Variants in SEC24C observed in about 807,000 individuals in gnomAD.
The protein encoded by SEC24C is SEC24 homolog C, COPII component, also known as protein transport protein Sec24C.
A neutral mutation model predicts 117.0 loss-of-function variants in SEC24C; 22 were observed. That is an observed-to-expected ratio of 0.19 (90% CI 0.13 to 0.27). The LOEUF is 0.27. Among genes scored for constraint, SEC24C ranks in the 10% least tolerant of loss-of-function variants. The pLI is 1.00. For synonymous variants in SEC24C, 506 were observed against 529.4 expected, an observed-to-expected ratio of 0.96 and a Z score of 0.61; for missense variants, 1,155 against 1,375.1, an observed-to-expected ratio of 0.84 and a Z score of 2.53.
chr10:73,765,818 A>G lies in SEC24C; in HGVS notation c.1385A>G (p.Gln462Arg). ...CCCACAGTTCCCCCCCAGTATTTTCAGCACCTGGATCATACCGGCAAACGT... is the reference window on the plus strand; with the variant it reads ...CCCACAGTTCCCCCCCAGTATTTTCGGCACCTGGATCATACCGGCAAACGT... ...CINDVPPQYF[Q>R]HLDHTGKRVD... Residue 462 changes from glutamine (Q) to arginine (R), a missense_variant, in exon 10 of 23, where the codon CAG becomes CGG. This residue lies in a region of SEC24C where 759 missense variants were observed against 992.3 expected (regional missense o/e 0.76). Transcript: ENST00000345254. 3.1e-6 allele frequency: 5 copies of G among 1,614,014 alleles called. No homozygotes were observed. Among genetic ancestry groups the G allele is most frequent in the Non-Finnish European group, 4.2e-6 (5 of 1,179,914 alleles).
intron 1 of SEC24C, among the ~76,000 whole-genome samples, chr10:73,746,208 CTT>C (rs2082550671): frequency 6.7e-6 from 1 of 149,754 alleles, no homozygotes; most frequent in South Asian, 2.1e-4. Flanking sequence ...TCCATACACT[CTT>C]TTGGTGGAAA....
chr10:73,763,621 C>A lies in SEC24C; in HGVS notation c.1099+20C>A. 1.4e-6 allele frequency: 2 copies of A among 1,462,424 alleles called. No individual in the cohort carries two copies. Among genetic ancestry groups the A allele is most frequent in the Non-Finnish European group, 1.9e-6 (2 of 1,050,772 alleles). 90.6% of individuals were successfully genotyped at this position (1,462,424 alleles called of 1,614,324 possible). A position where few individuals can be genotyped will look rare whatever the true frequency, so the allele number is the denominator to read the frequency against. On this transcript the variant is annotated intron_variant, in intron 7 of 22. Coordinates refer to ENST00000345254, the MANE Select transcript of SEC24C (RefSeq NM_198597.3). ...ACCAAGGTGAGAATGGAATTAGCTCCTCCCACAGGGGCTTTTTCTTCAAGA... is the reference window on the plus strand; with the variant it reads ...ACCAAGGTGAGAATGGAATTAGCTCATCCCACAGGGGCTTTTTCTTCAAGA...
At chr10:73,768,748 G>C in intron 15 of SEC24C, 62 bp from the exon 16 acceptor site, 1 of 1,507,748 alleles carries the variant, frequency 6.6e-7, no homozygotes, top group Non-Finnish European at 9.2e-7. Context: ...GGTACAGGGA[G>C]ATTGTCTGCA....
At position 73,751,261 on chromosome 10, in the gene SEC24C, C is replaced by G. The variant is rs770337047; in HGVS notation, c.308+18C>G. Reference sequence around the variant, plus strand: ...ATGCAAAGGTAGGTACTTGGTCAATCTAAAATTGGTCTGATGAGGCTGAGT... The same window carrying G: ...ATGCAAAGGTAGGTACTTGGTCAATGTAAAATTGGTCTGATGAGGCTGAGT... On this transcript the variant is annotated intron_variant, in intron 3 of 22. Transcript: ENST00000345254. 26 of 1,606,218 alleles carry G rather than the reference C, an allele frequency of 1.6e-5. No homozygotes were observed. In the East Asian group the frequency reaches 4.0e-4, roughly 25 times the overall value.
intron 1 of SEC24C, among the ~76,000 whole-genome samples, chr10:73,745,102 T>C (rs546953674): frequency 3.9e-5 from 6 of 152,172 alleles, no homozygotes; most frequent in Admixed American, 1.3e-4. Flanking sequence ...GTGGCCCTTC[T>C]AGCAAAGGGG....
chr10:73,759,611 T>G lies in SEC24C; in HGVS notation c.309-11T>G, dbSNP rs374244265. 578 of 1,502,596 alleles carry G rather than the reference T, an allele frequency of 3.8e-4. No individual in the cohort carries two copies. The highest frequency in any genetic ancestry group is 4.8e-4 in the Non-Finnish European group (546 of 1,126,920). 93.1% of individuals were successfully genotyped at this position (1,502,596 alleles called of 1,614,324 possible). A position where few individuals can be genotyped will look rare whatever the true frequency, so the allele number is the denominator to read the frequency against. On this transcript the variant is annotated splice_polypyrimidine_tract_variant and intron_variant, in intron 3 of 22. Coordinates refer to ENST00000345254, the MANE Select transcript of SEC24C (RefSeq NM_198597.3). The stretch of plus-strand genomic sequence containing the variant: ...CCCCACTAGTCACCTCTGCTTGCTT[T>G]CTTTTCACAGGCTGCCTGGGTCTCA...
At chr10:73,758,327 G>T (rs2082743553) in intron 3 of SEC24C, among the ~76,000 whole-genome samples, 1 of 152,172 alleles carries the variant, frequency 6.6e-6, no homozygotes, top group Admixed American at 6.5e-5. Flanking sequence ...GTTTGAGGGG[G>T]CTGTGAGGTA....
In SEC24C at chr10:73,757,412, G is replaced by A. The variant is rs116627583; in HGVS notation, c.309-2210G>A. On this transcript the variant is annotated intron_variant, in intron 3 of 22. Coordinates refer to ENST00000345254, the MANE Select transcript of SEC24C (RefSeq NM_198597.3). ...TTGGTGTGCCTGGGAAGCAGAGGTG[G>A]AGGCAGGAGGATTGCTAGAGCCCTG... Among the ~76,000 whole-genome samples the A allele has an allele frequency of 2.0e-3, 306 of 150,716 alleles. 2 individuals carry two copies. The highest frequency in any genetic ancestry group is 7.2e-3 in the African/African-American group (296 of 41,144).
chr10:73,768,055 T>C lies in SEC24C; in HGVS notation c.2181+48T>C, dbSNP rs761543967. Reference sequence around the variant, plus strand: ...GCAGGTGGCAGCAGGGCTGGGAATATCTGCTTATATATGCAGTGGCTGACT... The same window carrying C: ...GCAGGTGGCAGCAGGGCTGGGAATACCTGCTTATATATGCAGTGGCTGACT... On this transcript the variant is annotated intron_variant, in intron 15 of 22. Transcript: ENST00000345254. 3.2e-6 allele frequency: 5 copies of C among 1,554,790 alleles called. No individual in the cohort carries two copies. In the South Asian group the frequency reaches 5.9e-5, roughly 18 times the overall value.
chr10:73,764,057 G>A (rs2082842224), intron 8 of SEC24C, 74 bp downstream of exon 8: 1 of 1,481,448 alleles, frequency 6.8e-7, no homozygotes, highest in Admixed American at 2.3e-5. Context: ...CTTCCTGGAT[G>A]TGATTCCAGC....
rs756503459 is a variant in SEC24C, at chr10:73,759,652, A to C, written c.339A>C (p.Pro113=). The C allele has an allele frequency of 6.4e-7, 1 of 1,564,962 alleles. No homozygotes were observed. Among genetic ancestry groups the C allele is most frequent in the Non-Finnish European group, 8.6e-7 (1 of 1,158,432 alleles). ...RLPGSQPFGS[P]LAPVGNQPPV... is the part of the protein sequence containing the mutation. ...CTGGGTCTCAGCCATTTGGGTCCCC[A>C]TTGGCCCCTGTGGGCAACCAGCCAC... The change falls in exon 4 of 23, where the codon CCA becomes CCC. Residue 113 remains proline, a synonymous_variant. Transcript: ENST00000345254.
Position 73,747,013 on chromosome 10 carries a change from C to A in SEC24C, c.172+9C>A, listed in dbSNP as rs1377155837. 6.2e-7 allele frequency: 1 copy of A among 1,608,772 alleles called. No homozygotes were observed. Among genetic ancestry groups the A allele is most frequent in the African/African-American group, 1.3e-5 (1 of 74,964 alleles). On this transcript the variant is annotated intron_variant, in intron 2 of 22. Coordinates refer to ENST00000345254, the MANE Select transcript of SEC24C (RefSeq NM_198597.3). The stretch of plus-strand genomic sequence containing the variant: ...GCAAACACCTCCCCAAGGTATGTTT[C>A]TGTTTCTGTTTCCTTTGAGCTAGGG...
chr10:73,759,477 C>T (rs2082761466), intron 3 of SEC24C, 145 bp from the exon 4 acceptor site: 1 of 500,576 alleles, frequency 2.0e-6, no homozygotes, highest in Non-Finnish European at 3.3e-6. Context: ...CACAAATATA[C>T]AAAAGTATGA....
intron 1 of SEC24C, among the ~76,000 whole-genome samples, chr10:73,745,261 C>G (rs1428487556): frequency 1.4e-4 from 21 of 152,074 alleles, no homozygotes; most frequent in Admixed American, 1.4e-3. Flanking sequence ...AAAAGGCCCT[C>G]TAATTCATCC....
intron 22 of SEC24C, 35 bp downstream of exon 22, chr10:73,770,833 G>GC (rs770963400): frequency 3.6e-4 from 577 of 1,612,426 alleles, no homozygotes; most frequent in Non-Finnish European, 4.4e-4. Context: ...TTCTTACCTT[G>GC]TCAAGTCCTC....
At chr10:73,756,272 TGAG>T (rs2082708465) in intron 3 of SEC24C, among the ~76,000 whole-genome samples, 1 of 152,202 alleles carries the variant, frequency 6.6e-6, no homozygotes, top group Admixed American at 6.5e-5. Context: ...GGAAGGCAGA[TGAG>T]TCCTTGGGCT....
At chr10:73,768,234 A>G (rs2082915609) in intron 15 of SEC24C, among the ~76,000 whole-genome samples, 1 of 152,144 alleles carries the variant, frequency 6.6e-6, no homozygotes, top group Non-Finnish European at 1.5e-5. Context: ...AAATACAAAA[A>G]TTAGTCGGGT....
intron 1 of SEC24C, among the ~76,000 whole-genome samples, chr10:73,744,703 C>T (rs1158913838): frequency 6.6e-6 from 1 of 152,100 alleles, no homozygotes; most frequent in Non-Finnish European, 1.5e-5. Context: ...CAGAGCAGCC[C>T]CCTCTCTTAA....
chr10:73,766,641 G>C, intron 12 of SEC24C, 100 bp downstream of exon 12: 1 of 1,455,126 alleles, frequency 6.9e-7, no homozygotes, highest in Non-Finnish European at 9.5e-7. Flanking sequence ...GATGGAAAGG[G>C]GTTGTGGCCC....
Sources: allele counts gnomAD v4.1 joint callset (sites outside exome capture counted in the v4.1 genomes callset), GRCh38; gene constraint gnomAD v4.1.1; regional missense constraint gnomAD v4.1.1; transcripts MANE v1.5; gene names NCBI Gene and HGNC (gene_info 2026-07-23, HGNC 2026-07-21).